The following IKZF4 variants were observed in gnomAD, a reference collection of about 807,000 sequenced individuals.
The protein encoded by IKZF4 is IKAROS family zinc finger 4.
IKZF4 carries 11 observed loss-of-function variants against 47.7 expected under a neutral mutation model. The ratio of observed to expected loss-of-function variants is 0.23; its 90% CI spans 0.15 to 0.38. The LOEUF is 0.38. Ranked by LOEUF, IKZF4 falls within the 10% of genes least tolerant of loss-of-function variation. The pLI, the probability that IKZF4 is intolerant of heterozygous loss-of-function variation, is 1.00. For synonymous variants in IKZF4, 298 were observed against 299.4 expected (o/e 1.00, Z 0.05); for missense variants, 557 against 784.9 (o/e 0.71, Z 3.47).
At chr12:56,018,240 G>A, upstream of IKZF4, 1 of 1,209,594 alleles carries the variant, frequency 8.3e-7, no homozygotes, top group Non-Finnish European at 1.1e-6. Context: ...GTAGAGCAGA[G>A]CAGAGAGCCT....
chr12:56,028,237 C>T (rs1894336621), intron 5 of IKZF4, among the ~76,000 whole-genome samples: 1 of 151,960 alleles, frequency 6.6e-6, no homozygotes, highest in South Asian at 2.1e-4. Flanking sequence ...TGTTAACGGT[C>T]ACCCTTGGCC....
chr12:56,034,671 G>A lies in IKZF4; in HGVS notation c.1098G>A (p.Glu366=), dbSNP rs751924897. The change falls in exon 8 of 8, where the codon GAG becomes GAA. Residue 366 remains glutamate (E), a synonymous_variant. Coordinates refer to ENST00000547167, the MANE Select transcript of IKZF4 (RefSeq NM_022465.4). ...DVELVAHHSL[E]PGFGSSLAFV... ...AGTTGGTGGCACACCACAGCCTAGA[G>A]CCTGGCTTTGGAAGTTCCCTGGCCT... The A allele has an allele frequency of 7.2e-5, 117 of 1,614,040 alleles. 1 individual carries two copies. In the South Asian group the frequency reaches 1.1e-3, roughly 15 times the overall value.
rs1565826235 is a variant in IKZF4 at position 56,027,906 on chromosome 12, G to A, written c.674G>A (p.Arg225His). Reference protein sequence around the residue: ...FKCPFCNYACRRRDALTGHLR... With the variant: ...FKCPFCNYACHRRDALTGHLR... ...TGTCCCTTCTGCAACTATGCCTGCC[G>A]CCGGCGTGATGCACTCACTGGTCAC... Residue 225 changes from arginine to histidine, a missense_variant, in exon 5 of 8, where the codon CGC becomes CAC. Transcript: ENST00000547167. The A allele has an allele frequency of 6.3e-7, 1 of 1,589,648 alleles. No homozygotes were observed. The highest frequency in any genetic ancestry group is 8.6e-7 in the Non-Finnish European group (1 of 1,167,798).
chr12:56,034,702 G>A lies in IKZF4; in HGVS notation c.1129G>A (p.Gly377Ser). The change falls in exon 8 of 8, where the codon GGT becomes AGT. Residue 377 changes from glycine (G) to serine (S), a missense_variant. By Grantham distance (56) the Gly-to-Ser change is moderately conservative. Around this residue, in one of 6 missense-constraint regions of IKZF4, gnomAD observed 280 missense variants for 314.0 expected, o/e 0.89. Transcript: ENST00000547167. The part of the protein sequence containing the change: ...PGFGSSLAFV[G>S]AEHLRPLRLP... Reference sequence around the variant, plus strand: ...CTTTGGAAGTTCCCTGGCCTTTGTGGGTGCAGAGCATCTGCGTCCCCTCCG... The same window carrying A: ...CTTTGGAAGTTCCCTGGCCTTTGTGAGTGCAGAGCATCTGCGTCCCCTCCG... The A allele has an allele frequency of 6.2e-7, 1 of 1,614,018 alleles. No homozygotes were observed. Among genetic ancestry groups the A allele is most frequent in the Non-Finnish European group, 8.5e-7 (1 of 1,179,890 alleles).
chr12:56,021,631 G>T (rs564826417), intron 1 of IKZF4, 51 bp downstream of exon 1: 2 of 1,561,720 alleles, frequency 1.3e-6, no homozygotes, highest in African/African-American at 1.4e-5. Context: ...GGGTGCTGGG[G>T]CTAGGGAGCC....
intron 2 of IKZF4, among the ~76,000 whole-genome samples, chr12:56,014,730 A>G (rs1891784948): frequency 6.6e-6 from 1 of 152,110 alleles, no homozygotes; most frequent in African/African-American, 2.4e-5. Flanking sequence ...CCGGGAGCCA[A>G]ACTCATGCCA....
chr12:56,027,725 C>G (rs1894256574), intron 4 of IKZF4, 55 bp from the exon 5 acceptor site: 3 of 1,572,122 alleles, frequency 1.9e-6, no homozygotes, highest in Non-Finnish European at 2.6e-6. Flanking sequence ...GTGATAGGTT[C>G]AACCTTCAAA....
At position 56,035,626 on chromosome 12, in the gene IKZF4, A is replaced by T. The variant is rs191380718; in HGVS notation, c.*295A>T. ...TTTTTGCCTTTTTAAATTTTAACTT[A>T]TATCAGTCACTTGCCACTCCCCCAC... On this transcript the variant is annotated 3_prime_UTR_variant, in exon 8 of 8. Transcript: ENST00000547167. The surrounding 1 kb of genome is among the most constrained non-coding windows in gnomAD (Gnocchi z 6.1). 1 of 278,186 alleles carries T rather than the reference A, an allele frequency of 3.6e-6. No individual in the cohort carries two copies. The highest frequency in any genetic ancestry group is 2.2e-5 in the African/African-American group (1 of 45,432). The allele number at this position is 278,186 out of a possible 1,614,324, so 17.2% of individuals were successfully genotyped here. A position where few individuals can be genotyped will look rare whatever the true frequency, so the allele number is the denominator to read the frequency against.
At chr12:56,029,660 C>T (rs1894590218) in intron 5 of IKZF4, 1 of 152,196 alleles carries the variant, frequency 6.6e-6, no homozygotes. Flanking sequence ...ATCGTTGATA[C>T]ATGCTTTATA....
intron 6 of IKZF4, 108 bp downstream of exon 6, chr12:56,032,818 CAG>C (rs779070120): frequency 1.7e-5 from 22 of 1,280,128 alleles, no homozygotes; most frequent in Admixed American, 5.9e-5. Flanking sequence ...GTCTGTGGAA[CAG>C]GGGATGATTA....
intron 7 of IKZF4, among the ~76,000 whole-genome samples, 168 bp downstream of exon 7, chr12:56,033,489 A>T (rs1388019969): frequency 2.6e-5 from 4 of 152,204 alleles, no homozygotes; most frequent in South Asian, 2.1e-4. Context: ...GGGCAGATCA[A>T]GAGGTCAGAA....
chr12:56,020,430 C>T (rs1349202146), upstream of IKZF4, among the ~76,000 whole-genome samples: 1 of 152,206 alleles, frequency 6.6e-6, no homozygotes, highest in Non-Finnish European at 1.5e-5. Flanking sequence ...ATTGACTGAG[C>T]AGGGCTTGCC....
Position 56,037,943 on chromosome 12 carries a change from C to T in IKZF4, c.*2612C>T, listed in dbSNP as rs1177517774. The T allele has an allele frequency of 6.6e-6, 1 of 151,832 alleles. No homozygotes were observed. The highest frequency in any genetic ancestry group is 1.5e-5 in the Non-Finnish European group (1 of 67,976). 9.4% of individuals were successfully genotyped at this position (151,832 alleles called of 1,614,324 possible). A position where few individuals can be genotyped will look rare whatever the true frequency, so the allele number is the denominator to read the frequency against. The stretch of plus-strand genomic sequence containing the variant: ...TGCTATTCAAAATCAATACCACCAA[C>T]AAAATATTTCTAAGTAGACACTTTT... On this transcript the variant is annotated 3_prime_UTR_variant, in exon 8 of 8. Coordinates refer to ENST00000547167, the MANE Select transcript of IKZF4 (RefSeq NM_022465.4).
chr12:56,024,324 A>G lies in IKZF4; in HGVS notation c.181+560A>G, dbSNP rs557580410. 1.2e-4 allele frequency among the ~76,000 whole-genome samples: 18 copies of G among 152,320 alleles called. No homozygotes were observed. In the East Asian group the frequency reaches 2.5e-3, roughly 21 times the overall value. Reference sequence around the variant, plus strand: ...GAATTTAGAAAGTCTAAGAGGCCCAATTCTTCCCTACTAAGATTGTGACCA... The same window carrying G: ...GAATTTAGAAAGTCTAAGAGGCCCAGTTCTTCCCTACTAAGATTGTGACCA... On this transcript the variant is annotated intron_variant, in intron 2 of 7. Transcript: ENST00000547167.
At chr12:56,025,587 T>C (rs1893827404) in intron 3 of IKZF4, among the ~76,000 whole-genome samples, 1 of 152,168 alleles carries the variant, frequency 6.6e-6, no homozygotes, top group South Asian at 2.1e-4. Flanking sequence ...TCTAAATGGT[T>C]GGAGTAGCCA....
upstream of IKZF4, among the ~76,000 whole-genome samples, chr12:56,018,852 ACAGG>A (rs1892473644): frequency 1.4e-5 from 2 of 145,002 alleles, no homozygotes; most frequent in South Asian, 2.3e-4. Flanking sequence ...ACTTTGGGAG[ACAGG>A]CAGATCACCT....
Position 56,026,907 on chromosome 12 carries a change from A to C in IKZF4, c.413A>C (p.Tyr138Ser). The C allele has an allele frequency of 1.9e-6, 3 of 1,613,422 alleles. No homozygotes were observed. The highest frequency in any genetic ancestry group is 2.5e-6 in the Non-Finnish European group (3 of 1,179,650). ...VEDSLSEPLG[Y>S]CDGSGPEPHS... Reference sequence around the variant, plus strand: ...GATTCATTGTCTGAGCCCCTGGGCTACTGTGATGGGAGTGGGCCAGAGCCT... The same window carrying C: ...GATTCATTGTCTGAGCCCCTGGGCTCCTGTGATGGGAGTGGGCCAGAGCCT... Residue 138 changes from tyrosine (Y) to serine (S), a missense_variant, in exon 4 of 8, where the codon TAC becomes TCC. Coordinates refer to ENST00000547167, the MANE Select transcript of IKZF4 (RefSeq NM_022465.4).
chr12:56,034,902 T>G lies in IKZF4; in HGVS notation c.1329T>G (p.Thr443=). 6.2e-7 allele frequency: 1 copy of G among 1,605,826 alleles called. No homozygotes were observed. Among genetic ancestry groups the G allele is most frequent in the East Asian group, 2.2e-5 (1 of 44,590 alleles). The change falls in exon 8 of 8, where the codon ACT becomes ACG. Residue 443 remains threonine, a synonymous_variant. Coordinates refer to ENST00000547167, the MANE Select transcript of IKZF4 (RefSeq NM_022465.4). ...PLLYRPRGPL[T]DPGASPSNGC... is the part of the protein sequence containing the mutation. ...TCTACCGGCCCCGAGGCCCCCTGAC[T>G]GACCCTGGGGCATCCCCCAGCAATG... is the stretch of plus-strand genomic sequence containing the variant.
At chr12:56,010,191 G>A (rs775218865) in intron 1 of IKZF4, 1 of 152,186 alleles carries the variant, frequency 6.6e-6, no homozygotes, top group Non-Finnish European at 1.5e-5. Context: ...TTCTTTATTG[G>A]TCTGTTGACT....
Sources: allele counts gnomAD v4.1 joint callset (sites outside exome capture counted in the v4.1 genomes callset), GRCh38; gene constraint gnomAD v4.1.1; regional missense constraint gnomAD v4.1.1; non-coding constraint Gnocchi (gnomAD v3.1); transcripts MANE v1.5; gene names NCBI Gene and HGNC (gene_info 2026-07-23, HGNC 2026-07-21).